Variants in PCDH11X observed in about 807,000 individuals in gnomAD.
PCDH11X encodes protocadherin 11 X-linked.
PCDH11X carries 18 observed loss-of-function variants against 53.3 expected under a neutral mutation model. The observed-to-expected ratio is 0.34, with a 90% CI of 0.23 to 0.50. PCDH11X has a LOEUF of 0.50. PCDH11X is among the 20% of genes least tolerant of loss of function. The probability of loss-of-function intolerance (pLI) is 0.98; values close to 1 mark genes in which losing one functional copy is unlikely to be tolerated. For missense variants in PCDH11X, 570 were observed against 1,032.4 expected (o/e 0.55, Z 6.14); for synonymous variants, 279 against 393.3 (o/e 0.71, Z 3.44).
intron 8 of PCDH11X, among the ~76,000 whole-genome samples, chrX:92,324,397 A>G (rs5984928): frequency 0.45 from 49,408 of 109,928 alleles, 8,289 homozygotes; most frequent in East Asian, 0.75. Context: ...CCACGTCAAT[A>G]GAGGGAACAA....
At chrX:91,819,642 C>T (rs1299661443) in intron 4 of PCDH11X, among the ~76,000 whole-genome samples, 5 of 102,491 alleles carry the variant, frequency 4.9e-5, no homozygotes, top group South Asian at 4.2e-4. Flanking sequence ...TTTTTTTTTT[C>T]CTTTCTTTTT....
chrX:92,157,963 C>T (rs1330435563), intron 6 of PCDH11X, among the ~76,000 whole-genome samples: 2 of 111,270 alleles, frequency 1.8e-5, no homozygotes, highest in African/African-American at 3.3e-5. Flanking sequence ...GCCTGTAATC[C>T]CAGCACTTTG....
At chrX:92,208,766 ACT>A (rs1174799326) in intron 7 of PCDH11X, among the ~76,000 whole-genome samples, 1 of 106,911 alleles carries the variant, frequency 9.4e-6, no homozygotes, top group Non-Finnish European at 1.9e-5. Flanking sequence ...CTCTTCTCAC[ACT>A]GTTATAAAGA....
intron 6 of PCDH11X, among the ~76,000 whole-genome samples, chrX:91,954,209 C>T (rs1392996070): frequency 9.1e-6 from 1 of 110,234 alleles, no homozygotes; most frequent in African/African-American, 3.3e-5. Context: ...TACATGAGAA[C>T]GTGTGGTGTT....
At chrX:92,251,526 G>A (rs1054634306) in intron 7 of PCDH11X, among the ~76,000 whole-genome samples, 1 of 111,036 alleles carries the variant, frequency 9.0e-6, no homozygotes, top group African/African-American at 3.3e-5. Context: ...TTAAACCTCA[G>A]CTCTGTCCCT....
At chrX:92,374,903 AATT>A (rs1453803532) in intron 8 of PCDH11X, among the ~76,000 whole-genome samples, 1 of 108,881 alleles carries the variant, frequency 9.2e-6, no homozygotes, top group East Asian at 2.9e-4. Flanking sequence ...TATCAAATTG[AATT>A]ATTAATTACT....
chrX:92,316,091 C>G (rs192286416), intron 8 of PCDH11X, among the ~76,000 whole-genome samples: 1 of 96,651 alleles, frequency 1.0e-5, no homozygotes, highest in African/African-American at 3.8e-5. Context: ...TTAACCATCA[C>G]ATTTTCTGAA....
intron 6 of PCDH11X, among the ~76,000 whole-genome samples, chrX:92,064,060 G>A (rs1407869337): frequency 1.8e-5 from 2 of 108,342 alleles, no homozygotes; most frequent in Admixed American, 1.0e-4. Context: ...ACAGCAGGGT[G>A]CACGTGTATT....
At chrX:92,093,258 T>C (rs917945216) in intron 6 of PCDH11X, among the ~76,000 whole-genome samples, 1 of 111,489 alleles carries the variant, frequency 9.0e-6, no homozygotes, top group Admixed American at 9.6e-5. Flanking sequence ...AGAGGGTACG[T>C]TTTCATCCTC....
At chrX:91,910,503 C>G (rs867579267) in intron 6 of PCDH11X, among the ~76,000 whole-genome samples, 1 of 111,329 alleles carries the variant, frequency 9.0e-6, no homozygotes, top group Non-Finnish European at 1.9e-5. Context: ...CAAAAAAAGA[C>G]CATTTTCTCC....
intron 6 of PCDH11X, among the ~76,000 whole-genome samples, chrX:91,929,233 C>T (rs1942043169): frequency 9.0e-6 from 1 of 110,772 alleles, no homozygotes; most frequent in African/African-American, 3.3e-5. Context: ...TTGATCATTA[C>T]TGTGAATTAT....
At chrX:91,946,232 A>G (rs1337782573) in intron 6 of PCDH11X, among the ~76,000 whole-genome samples, 1 of 108,493 alleles carries the variant, frequency 9.2e-6, no homozygotes, top group Non-Finnish European at 1.9e-5. Context: ...CCAGAATCAC[A>G]TATCTTGGAA....
At chrX:91,883,915 T>C in intron 6 of PCDH11X, 11 of 749,022 alleles carry the variant, frequency 1.5e-5, no homozygotes, top group Non-Finnish European at 1.6e-5. Flanking sequence ...TTTGGCTGGG[T>C]GTGGTGGCTC....
At chrX:92,098,440 C>T (rs2064178435) in intron 6 of PCDH11X, among the ~76,000 whole-genome samples, 1 of 110,790 alleles carries the variant, frequency 9.0e-6, no homozygotes, top group African/African-American at 3.3e-5. Flanking sequence ...CATAAATAAA[C>T]ATACGGTTGG....
At chrX:92,332,765 G>C (rs2069524854) in intron 8 of PCDH11X, among the ~76,000 whole-genome samples, 2 of 111,936 alleles carry the variant, frequency 1.8e-5, no homozygotes, top group Admixed American at 9.5e-5. Flanking sequence ...AGCAGCAGCA[G>C]TGCAGGGAAC....
intron 6 of PCDH11X, among the ~76,000 whole-genome samples, chrX:91,949,045 T>C (rs1013684054): frequency 9.1e-6 from 1 of 109,817 alleles, no homozygotes; most frequent in Non-Finnish European, 1.9e-5. Context: ...TAAGAGAGAG[T>C]ATTTGTTACA....
chrX:92,534,702 T>A (rs1396588384), intron 10 of PCDH11X, among the ~76,000 whole-genome samples: 1 of 111,089 alleles, frequency 9.0e-6, no homozygotes, highest in Non-Finnish European at 1.9e-5. Flanking sequence ...TAACAGCAGA[T>A]CTCTCAGCAG....
intron 6 of PCDH11X, among the ~76,000 whole-genome samples, chrX:92,095,510 T>C (rs2064120584): frequency 9.0e-6 from 1 of 111,057 alleles, no homozygotes; most frequent in Non-Finnish European, 1.9e-5. Flanking sequence ...TTCTCTCTCA[T>C]ACTGTAATTT....
intron 6 of PCDH11X, among the ~76,000 whole-genome samples, chrX:92,102,927 T>C (rs2064291906): frequency 9.0e-6 from 1 of 111,702 alleles, no homozygotes; most frequent in Non-Finnish European, 1.9e-5. Flanking sequence ...TAAAAGGCCA[T>C]GCTGTAGCAG....
Sources: gnomAD v4.1 joint callset for allele counts (sites outside exome capture counted in the v4.1 genomes callset) on GRCh38, gnomAD v4.1.1 for gene constraint, MANE v1.5 for transcripts, NCBI Gene and HGNC (gene_info 2026-07-23, HGNC 2026-07-21) for gene names.